AGBL4: variants seen among roughly 807,000 people sequenced by gnomAD.
AGBL4 encodes cytosolic carboxypeptidase 6.
Under a neutral mutation model 66.4 loss-of-function variants are expected in AGBL4, and 58 were observed. The observed-to-expected ratio is 0.87, with a 90% CI of 0.71 to 1.09. The LOEUF is 1.09. Among genes scored for constraint, AGBL4 ranks in the 50% least tolerant of loss-of-function variants. The pLI, the probability that AGBL4 is intolerant of heterozygous loss-of-function variation, is 0.00. For synonymous variants in AGBL4, 234 were observed against 222.9 expected (o/e 1.05, Z -0.44); for missense variants, 579 against 631.0 (o/e 0.92, Z 0.88).
chr1:49,610,453 G>T (rs1444029634), intron 3 of AGBL4, among the ~76,000 whole-genome samples: 1 of 152,178 alleles, frequency 6.6e-6, no homozygotes, highest in East Asian at 1.9e-4. Context: ...GCACAGTGCT[G>T]CATGGAAAAC....
chr1:49,603,703 T>C (rs1409602083), intron 3 of AGBL4, among the ~76,000 whole-genome samples: 1 of 152,024 alleles, frequency 6.6e-6, no homozygotes, highest in Non-Finnish European at 1.5e-5. Context: ...GTAGTTTTTC[T>C]ACCTTCACTC....
chr1:49,392,699 A>G (rs1302064553), intron 3 of AGBL4, among the ~76,000 whole-genome samples: 1 of 5,400 alleles, frequency 1.9e-4, no homozygotes, highest in East Asian at 1.4e-3. Flanking sequence ...AACTGTGTAT[A>G]CACACACACA....
chr1:48,703,359 T>A (rs1345355948), intron 6 of AGBL4, among the ~76,000 whole-genome samples: 1 of 151,930 alleles, frequency 6.6e-6, no homozygotes, highest in East Asian at 1.9e-4. Context: ...TGCAGAAAAC[T>A]GAAACAGTGA....
intron 3 of AGBL4, among the ~76,000 whole-genome samples, chr1:49,586,089 G>C (rs959394140): frequency 3.3e-5 from 5 of 152,042 alleles, no homozygotes; most frequent in Non-Finnish European, 7.4e-5. Context: ...AATATTTATG[G>C]AAAATGTATT....
At chr1:49,063,922 T>C (rs1236380526) in intron 4 of AGBL4, among the ~76,000 whole-genome samples, 1 of 152,208 alleles carries the variant, frequency 6.6e-6, no homozygotes, top group Admixed American at 6.5e-5. Flanking sequence ...TGCATAAAGG[T>C]TCAGAGCAGT....
intron 11 of AGBL4, among the ~76,000 whole-genome samples, chr1:48,581,859 C>T (rs1018732770): frequency 5.3e-5 from 8 of 152,184 alleles, no homozygotes; most frequent in Admixed American, 3.9e-4. Context: ...AGGGTCTCAG[C>T]GAGAATGACG....
At chr1:49,753,288 T>C (rs746382824) in intron 2 of AGBL4, among the ~76,000 whole-genome samples, 95 of 152,214 alleles carry the variant, frequency 6.2e-4, no homozygotes, top group Non-Finnish European at 1.1e-3. Context: ...CTTCAGCATT[T>C]GCTTGTCTGT....
At position 49,299,268 on chromosome 1, in the gene AGBL4, C is replaced by A. The variant is rs113559706; in HGVS notation, c.283-53404G>T. ...TTCTGAAATGGATCTTACTTTCCCC[C>A]CTGTACAGATGAGGAAAGATGTCTA... On this transcript the variant is annotated intron_variant, in intron 3 of 13. Transcript: ENST00000371839. 6.0e-3 allele frequency among the ~76,000 whole-genome samples: 910 copies of A among 152,228 alleles called. 5 individuals are homozygous for A. The highest frequency in any genetic ancestry group is 7.0e-3 in the Non-Finnish European group (476 of 68,010).
chr1:48,727,877 A>T, intron 6 of AGBL4: 5 of 1,600,240 alleles, frequency 3.1e-6, no homozygotes, highest in Non-Finnish European at 4.3e-6. Flanking sequence ...TTTATGAAAA[A>T]TCCAAAGTTT....
chr1:49,725,159 A>G (rs145632280), intron 2 of AGBL4, among the ~76,000 whole-genome samples: 13 of 152,270 alleles, frequency 8.5e-5, no homozygotes, highest in Non-Finnish European at 1.6e-4. Context: ...AAACTCCTGC[A>G]TATGTGAGGC....
intron 8 of AGBL4, among the ~76,000 whole-genome samples, chr1:48,643,215 A>T (rs999421976): frequency 3.3e-5 from 5 of 152,164 alleles, no homozygotes; most frequent in Admixed American, 6.5e-5. Flanking sequence ...TCTGTAAACC[A>T]TACAAGGGTA....
intron 2 of AGBL4, among the ~76,000 whole-genome samples, chr1:49,850,699 T>G (rs564445900): frequency 6.6e-6 from 1 of 152,264 alleles, no homozygotes; most frequent in East Asian, 1.9e-4. Context: ...CACATACTTA[T>G]GCACACACAT....
chr1:49,332,747 T>C (rs1321105354), intron 3 of AGBL4, among the ~76,000 whole-genome samples: 3 of 152,192 alleles, frequency 2.0e-5, no homozygotes, highest in Non-Finnish European at 4.4e-5. Context: ...CAATGAAAAT[T>C]AATATATTAT....
intron 11 of AGBL4, chr1:48,585,676 T>C (rs1644807064): frequency 6.6e-6 from 1 of 152,206 alleles, no homozygotes; most frequent in African/African-American, 2.4e-5. Flanking sequence ...CCAATCATAA[T>C]ATCTCTGTGT....
chr1:49,981,252 G>A (rs1296346587), intron 1 of AGBL4, among the ~76,000 whole-genome samples: 1 of 152,076 alleles, frequency 6.6e-6, no homozygotes, highest in African/African-American at 2.4e-5. Context: ...TTTGAAGAAA[G>A]CAAACCTGGA....
At chr1:48,786,227 A>C (rs1355131116) in intron 6 of AGBL4, among the ~76,000 whole-genome samples, 2 of 152,222 alleles carry the variant, frequency 1.3e-5, no homozygotes, top group Non-Finnish European at 2.9e-5. Flanking sequence ...CATGATAGGA[A>C]CTGTACTAAC....
intron 8 of AGBL4, among the ~76,000 whole-genome samples, chr1:48,648,558 C>G (rs1645876312): frequency 6.6e-6 from 1 of 152,178 alleles, no homozygotes; most frequent in African/African-American, 2.4e-5. Flanking sequence ...CCTCAGTTCT[C>G]CACTTCTGCC....
chr1:48,953,650 T>C (rs1657187874), intron 5 of AGBL4, among the ~76,000 whole-genome samples: 2 of 151,976 alleles, frequency 1.3e-5, no homozygotes, highest in South Asian at 4.2e-4. Flanking sequence ...GAAAGTGAGG[T>C]TTTTTCCTTC....
intron 3 of AGBL4, among the ~76,000 whole-genome samples, chr1:49,647,433 C>T (rs983053517): frequency 1.3e-5 from 2 of 152,072 alleles, no homozygotes; most frequent in Non-Finnish European, 2.9e-5. Flanking sequence ...AGTGCCAGTG[C>T]AGGAAAACCT....
Sources: gnomAD v4.1 joint callset for allele counts (sites outside exome capture counted in the v4.1 genomes callset) on GRCh38, gnomAD v4.1.1 for gene constraint, MANE v1.5 for transcripts, NCBI Gene and HGNC (gene_info 2026-07-23, HGNC 2026-07-21) for gene names.